Variants in MED12L observed in about 807,000 individuals in gnomAD.
MED12L encodes the protein mediator complex subunit 12L.
A neutral mutation model predicts 281.3 loss-of-function variants in MED12L; 60 were observed. That is an observed-to-expected ratio of 0.21 (90% confidence interval 0.17 to 0.26). MED12L has a LOEUF of 0.26. Ranked by LOEUF, MED12L falls within the 10% of genes least tolerant of loss-of-function variation. MED12L has a pLI of 1.00. For missense variants in MED12L, 2,146 were observed against 2,680.9 expected (o/e 0.80, Z 4.41); for synonymous variants, 974 against 987.2 (o/e 0.99, Z 0.25).
chr3:151,300,766 G>A (rs1204333117), intron 16 of MED12L, among the ~76,000 whole-genome samples: 1 of 152,170 alleles, frequency 6.6e-6, no homozygotes, highest in Non-Finnish European at 1.5e-5. Flanking sequence ...ACTTGAGGCT[G>A]GTGTGAGCAG....
At chr3:151,112,000 T>G (rs894726211) in intron 2 of MED12L, among the ~76,000 whole-genome samples, 1 of 152,200 alleles carries the variant, frequency 6.6e-6, no homozygotes, top group African/African-American at 2.4e-5. Flanking sequence ...GATGGGAATC[T>G]GTTTTACGTA....
chr3:151,176,020 T>C (rs1297736473), intron 11 of MED12L, among the ~76,000 whole-genome samples: 1 of 152,206 alleles, frequency 6.6e-6, no homozygotes, highest in Non-Finnish European at 1.5e-5. Flanking sequence ...TTTCTTCTTG[T>C]GATTGTTATA....
chr3:151,274,003 T>C (rs1436228749), intron 16 of MED12L, among the ~76,000 whole-genome samples: 1 of 152,182 alleles, frequency 6.6e-6, no homozygotes, highest in East Asian at 1.9e-4. Context: ...GTGTGGCCTC[T>C]AAAGCATTTT....
At chr3:151,164,463 T>G (rs1720424380) in intron 9 of MED12L, among the ~76,000 whole-genome samples, 1 of 152,182 alleles carries the variant, frequency 6.6e-6, no homozygotes, top group African/African-American at 2.4e-5. Flanking sequence ...GATCTAGAAC[T>G]AGAAATACCA....
intron 25 of MED12L, among the ~76,000 whole-genome samples, chr3:151,368,633 TCA>T (rs1461101209): frequency 0.22 from 9,420 of 43,374 alleles, 393 homozygotes; most frequent in Middle Eastern, 0.33. Context: ...TTATTTTATT[TCA>T]TTTCATTTCA....
Position 151,116,003 on chromosome 3 carries a change from G to T in MED12L, c.100-335G>T, listed in dbSNP as rs1446083783. ...GGCTTGAACCCGAGAGGTGGAGGTTGCAGTAAGCCGAGATTGCGCCGCTGC... is the reference window on the plus strand; with the variant it reads ...GGCTTGAACCCGAGAGGTGGAGGTTTCAGTAAGCCGAGATTGCGCCGCTGC... On this transcript the variant is annotated intron_variant, in intron 2 of 44. Coordinates refer to ENST00000687756, the MANE Select transcript of MED12L (RefSeq NM_001393769.1). Among the ~76,000 whole-genome samples the T allele has an allele frequency of 2.1e-5, 3 of 145,622 alleles. No individual in the cohort carries two copies. The South Asian group carries it at 6.5e-4, about 32-fold the overall frequency.
At chr3:151,094,766 A>G (rs1560039696) in intron 2 of MED12L, among the ~76,000 whole-genome samples, 1 of 152,184 alleles carries the variant, frequency 6.6e-6, no homozygotes, top group Non-Finnish European at 1.5e-5. Context: ...TCTTCTTTGT[A>G]CTAATTTGTA....
intron 5 of MED12L, among the ~76,000 whole-genome samples, chr3:151,140,649 T>C (rs73016712): frequency 0.039 from 5,920 of 152,052 alleles, 372 homozygotes; most frequent in African/African-American, 0.13. Context: ...TCAAAGAAAA[T>C]GTATGCCCAT....
intron 16 of MED12L, chr3:151,327,936 C>T: frequency 1.4e-5 from 18 of 1,242,744 alleles, no homozygotes; most frequent in South Asian, 8.8e-5. Context: ...ATTTGATTTC[C>T]ACATTATCTA....
At chr3:151,116,899 G>T (rs1178618317) in intron 3 of MED12L, among the ~76,000 whole-genome samples, 1 of 152,120 alleles carries the variant, frequency 6.6e-6, no homozygotes, top group African/African-American at 2.4e-5. Flanking sequence ...GGTCCGGGTG[G>T]TGTCTACCAT....
rs987898386 is a variant in MED12L at position 151,377,017 on chromosome 3, C to T, written c.4155C>T (p.Asn1385=). The T allele has an allele frequency of 6.2e-7, 1 of 1,613,872 alleles. No individual in the cohort carries two copies. Among genetic ancestry groups the T allele is most frequent in the East Asian group, 2.2e-5 (1 of 44,872 alleles). Residue 1385 remains asparagine, a synonymous_variant, in exon 30 of 45, where the codon AAC becomes AAT. Coordinates refer to ENST00000687756, the MANE Select transcript of MED12L (RefSeq NM_001393769.1). ...GCTCTGGTTCTGTGGCCGAAATGAA[C>T]AACTTACTGGACAATATTGCAAAGG... is the stretch of plus-strand genomic sequence containing the variant. ...DPGSGSVAEM[N]NLLDNIAKAT...
At chr3:151,227,961 C>A (rs1730876174) in intron 16 of MED12L, among the ~76,000 whole-genome samples, 1 of 152,142 alleles carries the variant, frequency 6.6e-6, no homozygotes, top group African/African-American at 2.4e-5. Context: ...CCACACATTT[C>A]TAAATTTTCT....
At chr3:151,330,844 A>G (rs957522951) in intron 16 of MED12L, among the ~76,000 whole-genome samples, 59 of 152,208 alleles carry the variant, frequency 3.9e-4, no homozygotes, top group African/African-American at 1.4e-3. Flanking sequence ...ACATACATGT[A>G]TGTCTTAAAC....
intron 16 of MED12L, chr3:151,337,957 T>G: frequency 6.2e-7 from 1 of 1,614,142 alleles, no homozygotes; most frequent in Non-Finnish European, 8.5e-7. Flanking sequence ...AAAAAATAGA[T>G]GAACGGATCC....
chr3:151,373,796 T>G (rs1351639149), intron 27 of MED12L, among the ~76,000 whole-genome samples: 1 of 152,160 alleles, frequency 6.6e-6, no homozygotes, highest in East Asian at 1.9e-4. Flanking sequence ...TTCTGGCCCA[T>G]GTTGTACTTT....
intron 5 of MED12L, among the ~76,000 whole-genome samples, chr3:151,137,237 A>G (rs1716288555): frequency 6.6e-6 from 1 of 151,430 alleles, no homozygotes; most frequent in Non-Finnish European, 1.5e-5. Flanking sequence ...ATGAAGTTTT[A>G]TTTATTCTGT....
rs1267747598 is a variant in MED12L at position 151,416,409 on chromosome 3, C to A, written c.6395C>A (p.Pro2132His). 6.2e-7 allele frequency: 1 copy of A among 1,613,884 alleles called. No homozygotes were observed. The highest frequency in any genetic ancestry group is 1.3e-5 in the African/African-American group (1 of 74,868). ...ACCCTTGGTCTCCAAGCAATGCAGCCCCAGCAGCCCTTGGTAAGGCCTGTT... is the reference window on the plus strand; with the variant it reads ...ACCCTTGGTCTCCAAGCAATGCAGCACCAGCAGCCCTTGGTAAGGCCTGTT... ...SQTLGLQAMQPQQPLFPRQGL... is the reference protein window; with the variant it reads ...SQTLGLQAMQHQQPLFPRQGL... The change falls in exon 43 of 45, where the codon CCC becomes CAC. Residue 2132 changes from proline to histidine, a missense_variant. Physicochemically the swap from Pro to His is moderately conservative, Grantham distance 77. Transcript: ENST00000687756.
intron 32 of MED12L, among the ~76,000 whole-genome samples, chr3:151,381,519 C>T (rs763931083): frequency 2.2e-4 from 34 of 152,192 alleles, no homozygotes; most frequent in Non-Finnish European, 4.6e-4. Context: ...AGCAAATTCT[C>T]ATTTCAGTGC....
chr3:151,288,013 T>C (rs1743765626), intron 16 of MED12L, among the ~76,000 whole-genome samples: 5 of 152,254 alleles, frequency 3.3e-5, no homozygotes, highest in Admixed American at 3.3e-4. Flanking sequence ...GGTTGGTACC[T>C]GCTGATATCT....
Sources: allele counts gnomAD v4.1 joint callset (sites outside exome capture counted in the v4.1 genomes callset), GRCh38; gene constraint gnomAD v4.1.1; transcripts MANE v1.5; gene names NCBI Gene and HGNC (gene_info 2026-07-23, HGNC 2026-07-21).